TRAPPC9: variants seen among roughly 807,000 people sequenced by gnomAD.
TRAPPC9 encodes trafficking protein particle complex subunit 9, also known as IKK2 binding protein.
In TRAPPC9, 83 loss-of-function variants were observed where a neutral mutation model predicts 124.0. That is an observed-to-expected ratio of 0.67 (90% CI 0.56 to 0.80). The LOEUF is 0.80. Ranked by LOEUF, TRAPPC9 falls within the 30% of genes least tolerant of loss-of-function variation. TRAPPC9 has a pLI of 0.00. For synonymous variants in TRAPPC9, 638 were observed against 617.5 expected (o/e 1.03, Z -0.49); for missense variants, 1,302 against 1,508.3 (o/e 0.86, Z 2.27).
At chr8:140,236,158 C>T (rs545123796) in intron 16 of TRAPPC9, among the ~76,000 whole-genome samples, 2 of 148,380 alleles carry the variant, frequency 1.3e-5, no homozygotes, top group South Asian at 4.3e-4. Flanking sequence ...TCTTGGCTCA[C>T]TGCAACCTCC....
rs894752001 is a variant in TRAPPC9 at position 140,376,768 on chromosome 8, C to T, written c.1135-5588G>A. On this transcript the variant is annotated intron_variant, in intron 7 of 22. Coordinates refer to ENST00000438773, the MANE Select transcript of TRAPPC9 (RefSeq NM_001160372.4). ...GTGGGTGCCTATAGTCCCAGCTACT[C>T]AGGAGGCTGAGGCAGGAGAATCACT... Among the ~76,000 whole-genome samples, 24 of 148,830 alleles carry T rather than the reference C, an allele frequency of 1.6e-4. 1 individual carries two copies. Among genetic ancestry groups the T allele is most frequent in the Non-Finnish European group, 4.4e-5 (3 of 67,422 alleles).
intron 15 of TRAPPC9, among the ~76,000 whole-genome samples, chr8:140,269,355 C>T (rs1296222630): frequency 6.6e-6 from 1 of 151,856 alleles, no homozygotes; most frequent in Non-Finnish European, 1.5e-5. Flanking sequence ...TCCTGGCTAA[C>T]ACGGTGAAAC....
At chr8:140,325,814 G>A (rs2131969905) in intron 9 of TRAPPC9, among the ~76,000 whole-genome samples, 1 of 152,188 alleles carries the variant, frequency 6.6e-6, no homozygotes, top group Non-Finnish European at 1.5e-5. Flanking sequence ...AATAAACTTA[G>A]ACAGTAAAAG....
chr8:140,343,414 T>C (rs1046034734), intron 9 of TRAPPC9, among the ~76,000 whole-genome samples: 1 of 152,206 alleles, frequency 6.6e-6, no homozygotes, highest in Non-Finnish European at 1.5e-5. Context: ...AACATATAAG[T>C]TTACAAGCCA....
At chr8:140,407,519 T>TC (rs796323243) in intron 5 of TRAPPC9, among the ~76,000 whole-genome samples, 1 of 151,684 alleles carries the variant, frequency 6.6e-6, no homozygotes, top group African/African-American at 2.4e-5. Context: ...AAGAGGGAAA[T>TC]CCCCCCGACG....
rs1009797222 is a variant in TRAPPC9, at chr8:140,263,316, C to T, written c.2279-10387G>A. Among the ~76,000 whole-genome samples the T allele has an allele frequency of 5.9e-5, 9 of 152,182 alleles. No individual in the cohort carries two copies. In the South Asian group the frequency reaches 6.3e-4, roughly 11 times the overall value. ...GAGCCTCCCATTACTCTCAGAGCTC[C>T]GGGAGGACAGGGATGACTGTGGTCC... On this transcript the variant is annotated intron_variant, in intron 15 of 22. Transcript: ENST00000438773.
chr8:140,120,536 T>TCATCCATCTATCCAACATC (rs1164672497), intron 17 of TRAPPC9, among the ~76,000 whole-genome samples: 158 of 152,148 alleles, frequency 1.0e-3, no homozygotes, highest in South Asian at 6.2e-4. Flanking sequence ...CAACAACCAT[T>TCATCCATCTATCCAACATC]CATCCATCTA....
chr8:140,424,583 C>T (rs937924086), intron 5 of TRAPPC9, among the ~76,000 whole-genome samples: 7 of 149,532 alleles, frequency 4.7e-5, no homozygotes, highest in Non-Finnish European at 5.9e-5. Flanking sequence ...GAGCTAGGAT[C>T]GCGCCTGTGA....
intron 9 of TRAPPC9, among the ~76,000 whole-genome samples, chr8:140,312,045 T>C (rs376558751): frequency 6.6e-6 from 1 of 152,190 alleles, no homozygotes; most frequent in South Asian, 2.1e-4. Flanking sequence ...TCAGGCTGGC[T>C]CAGGAAGGCA....
At chr8:139,891,810 G>A (rs1042198848) in intron 20 of TRAPPC9, among the ~76,000 whole-genome samples, 1 of 152,220 alleles carries the variant, frequency 6.6e-6, no homozygotes, top group Non-Finnish European at 1.5e-5. Flanking sequence ...GGCAGGGCCC[G>A]CTCTAAGCAG....
At chr8:139,858,628 C>T (rs1450571603) in intron 21 of TRAPPC9, among the ~76,000 whole-genome samples, 1 of 152,136 alleles carries the variant, frequency 6.6e-6, no homozygotes, top group Non-Finnish European at 1.5e-5. Context: ...GAGATCAGTG[C>T]TAGAGGGGAC....
At chr8:140,416,476 A>G (rs896266376) in intron 5 of TRAPPC9, among the ~76,000 whole-genome samples, 4 of 152,312 alleles carry the variant, frequency 2.6e-5, no homozygotes, top group African/African-American at 7.2e-5. Flanking sequence ...CAATTGCTTC[A>G]AAGAGAATAA....
intron 21 of TRAPPC9, among the ~76,000 whole-genome samples, chr8:139,777,818 C>T (rs1821495647): frequency 6.6e-6 from 1 of 152,190 alleles, no homozygotes; most frequent in Admixed American, 6.5e-5. Flanking sequence ...ATGAAGTGAG[C>T]CCTAGAATCA....
chr8:139,796,096 A>AGAG (rs1166643868), intron 21 of TRAPPC9, among the ~76,000 whole-genome samples: 1 of 137,528 alleles, frequency 7.3e-6, no homozygotes, highest in East Asian at 2.4e-4. Flanking sequence ...AGGAGGAGGA[A>AGAG]GAGGAGGAGG....
At chr8:140,202,953 G>C (rs1275123870) in intron 17 of TRAPPC9, among the ~76,000 whole-genome samples, 1 of 152,216 alleles carries the variant, frequency 6.6e-6, no homozygotes, top group Non-Finnish European at 1.5e-5. Context: ...CAAAAGGTAA[G>C]ACATTCTACA....
chr8:140,159,273 C>G (rs1026674560), intron 17 of TRAPPC9, among the ~76,000 whole-genome samples: 48 of 152,356 alleles, frequency 3.2e-4, no homozygotes, highest in African/African-American at 1.1e-3. Context: ...ATCACCCCTA[C>G]CAGAATGCAG....
At chr8:139,830,010 A>G (rs965138745) in intron 21 of TRAPPC9, among the ~76,000 whole-genome samples, 3 of 152,220 alleles carry the variant, frequency 2.0e-5, no homozygotes, top group Non-Finnish European at 4.4e-5. Context: ...GAAGAGTGAC[A>G]TGGAAGGAGA....
chr8:140,054,054 A>T (rs1163640268), intron 17 of TRAPPC9, among the ~76,000 whole-genome samples: 1 of 152,232 alleles, frequency 6.6e-6, no homozygotes, highest in Non-Finnish European at 1.5e-5. Context: ...CACTATGCTA[A>T]GTGAATTAAC....
chr8:140,038,340 G>A (rs557229268), intron 17 of TRAPPC9, among the ~76,000 whole-genome samples: 3 of 152,292 alleles, frequency 2.0e-5, no homozygotes, highest in East Asian at 1.9e-4. Context: ...CACCTGCAAC[G>A]TGGCCTGACA....
Sources: gnomAD v4.1 joint callset for allele counts (sites outside exome capture counted in the v4.1 genomes callset) on GRCh38, gnomAD v4.1.1 for gene constraint, MANE v1.5 for transcripts, NCBI Gene and HGNC (gene_info 2026-07-23, HGNC 2026-07-21) for gene names.